The following CDK14 variants were observed in gnomAD, a reference collection of about 807,000 sequenced individuals.
The protein encoded by CDK14 is cyclin dependent kinase 14.
CDK14 carries 34 observed loss-of-function variants against 60.7 expected under a neutral mutation model. The observed-to-expected ratio is 0.56, with a 90% CI of 0.43 to 0.75. The LOEUF (loss-of-function observed/expected upper bound fraction) is 0.75, where lower values mean the gene tolerates loss of function less well. CDK14 is among the 30% of genes least tolerant of loss of function. CDK14 has a pLI of 0.00. For synonymous variants in CDK14, 197 were observed against 203.7 expected, an observed-to-expected ratio of 0.97 and a Z score of 0.28; for missense variants, 482 against 564.1, an observed-to-expected ratio of 0.85 and a Z score of 1.47.
intron 5 of CDK14, among the ~76,000 whole-genome samples, chr7:90,829,529 G>A (rs771022647): frequency 7.9e-5 from 12 of 152,122 alleles, no homozygotes; most frequent in Non-Finnish European, 1.2e-4. Flanking sequence ...CAGCAGGGCA[G>A]TCATTAAATC....
intron 10 of CDK14, among the ~76,000 whole-genome samples, chr7:91,002,580 T>C (rs1336259812): frequency 1.3e-5 from 2 of 152,184 alleles, no homozygotes; most frequent in Admixed American, 1.3e-4. Flanking sequence ...ATGTATTGAG[T>C]ATCTACTTTA....
At chr7:90,859,480 ATTATT>A (rs1239874578) in intron 5 of CDK14, among the ~76,000 whole-genome samples, 4 of 152,186 alleles carry the variant, frequency 2.6e-5, no homozygotes, top group Admixed American at 1.3e-4. Flanking sequence ...TATCTAAAAT[ATTATT>A]TTATTTTAGT....
chr7:90,754,760 T>C (rs1323242548), intron 4 of CDK14, among the ~76,000 whole-genome samples: 1 of 152,066 alleles, frequency 6.6e-6, no homozygotes, highest in African/African-American at 2.4e-5. Context: ...ACTTACACAA[T>C]TTAACGAGCA....
At chr7:90,705,700 T>C (rs1801882843) in intron 2 of CDK14, among the ~76,000 whole-genome samples, 1 of 150,084 alleles carries the variant, frequency 6.7e-6, no homozygotes, top group Non-Finnish European at 1.5e-5. Flanking sequence ...GCAAGAAGAC[T>C]GAGGAGAGTG....
intron 10 of CDK14, 105 bp from the exon 11 acceptor site, chr7:91,045,792 A>ACCCC: frequency 3.1e-5 from 21 of 683,904 alleles, no homozygotes; most frequent in Non-Finnish European, 4.8e-5. Flanking sequence ...GGAAAAAAAA[A>ACCCC]TACCAGAGTT....
chr7:90,827,629 G>GT (rs1206110220), intron 5 of CDK14, among the ~76,000 whole-genome samples: 4 of 152,148 alleles, frequency 2.6e-5, no homozygotes, highest in African/African-American at 9.7e-5. Context: ...CTGCCAGTGG[G>GT]TAAATGGACC....
chr7:90,601,084 G>A (rs1799305748), intron 1 of CDK14, among the ~76,000 whole-genome samples: 2 of 152,356 alleles, frequency 1.3e-5, no homozygotes, highest in South Asian at 4.1e-4. Flanking sequence ...TCATCTAGGT[G>A]AAATCATGAG....
chr7:90,710,185 G>A (rs764230274), intron 2 of CDK14: 5 of 985,132 alleles, frequency 5.1e-6, no homozygotes, highest in Non-Finnish European at 6.0e-6. Context: ...TGAGGCTCCC[G>A]AGGCTACTGC....
At chr7:90,785,263 T>C (rs1344854640) in intron 4 of CDK14, among the ~76,000 whole-genome samples, 1 of 152,230 alleles carries the variant, frequency 6.6e-6, no homozygotes, top group Non-Finnish European at 1.5e-5. Flanking sequence ...GGACACTGTT[T>C]TCAGAGATGA....
chr7:91,012,008 G>A (rs981576153), intron 10 of CDK14, among the ~76,000 whole-genome samples: 4 of 151,824 alleles, frequency 2.6e-5, no homozygotes, highest in South Asian at 2.1e-4. Context: ...GCCATATATC[G>A]TGAATTTTTT....
chr7:90,927,257 A>G (rs1026799862), intron 8 of CDK14, among the ~76,000 whole-genome samples: 8 of 151,892 alleles, frequency 5.3e-5, no homozygotes, highest in East Asian at 3.9e-4. Flanking sequence ...CTGGCAACCA[A>G]TCCCCATCCT....
chr7:91,086,958 G>A (rs1798660182), intron 12 of CDK14, among the ~76,000 whole-genome samples: 1 of 152,070 alleles, frequency 6.6e-6, no homozygotes, highest in Non-Finnish European at 1.5e-5. Flanking sequence ...TTTTTTTGCA[G>A]CTTTATTGCC....
chr7:90,638,180 T>C (rs554072847), intron 2 of CDK14, among the ~76,000 whole-genome samples: 1 of 152,270 alleles, frequency 6.6e-6, no homozygotes, highest in African/African-American at 2.4e-5. Context: ...ATTATGATGT[T>C]AGCTGGTTAT....
intron 10 of CDK14, among the ~76,000 whole-genome samples, chr7:91,017,821 T>C (rs780703226): frequency 2.0e-5 from 3 of 152,198 alleles, no homozygotes; most frequent in Non-Finnish European, 4.4e-5. Flanking sequence ...AACAAGCCCT[T>C]TTGAATTACA....
intron 7 of CDK14, among the ~76,000 whole-genome samples, chr7:90,907,427 G>C (rs1270336489): frequency 6.6e-6 from 1 of 151,886 alleles, no homozygotes; most frequent in African/African-American, 2.4e-5. Flanking sequence ...ATAAGCATGA[G>C]AGACTGAAAA....
intron 5 of CDK14, among the ~76,000 whole-genome samples, chr7:90,851,055 A>C (rs1023375826): frequency 3.3e-5 from 5 of 152,196 alleles, no homozygotes; most frequent in African/African-American, 1.2e-4. Context: ...AAAAACTAGG[A>C]ATGGATGCAA....
chr7:90,797,776 A>G (rs1188391581), intron 5 of CDK14, among the ~76,000 whole-genome samples: 1 of 151,886 alleles, frequency 6.6e-6, no homozygotes. Flanking sequence ...GAGGTCCTAT[A>G]CACTCTTAAA....
chr7:91,009,248 A>G (rs1796083593), intron 10 of CDK14, among the ~76,000 whole-genome samples: 4 of 151,990 alleles, frequency 2.6e-5, no homozygotes, highest in Admixed American at 2.6e-4. Context: ...TAGATATTTC[A>G]CACATTTTTT....
At chr7:90,990,111 G>A (rs1215645326) in intron 10 of CDK14, among the ~76,000 whole-genome samples, 1 of 152,076 alleles carries the variant, frequency 6.6e-6, no homozygotes, top group African/African-American at 2.4e-5. Context: ...AATGTTAAGA[G>A]CATTTTAACA....
Sources: gnomAD v4.1 joint callset for allele counts (sites outside exome capture counted in the v4.1 genomes callset) on GRCh38, gnomAD v4.1.1 for gene constraint, MANE v1.5 for transcripts, NCBI Gene and HGNC (gene_info 2026-07-23, HGNC 2026-07-21) for gene names.